KIF27: variants seen among roughly 807,000 people sequenced by gnomAD.
KIF27 encodes the protein kinesin family member 27.
In KIF27, 84 loss-of-function variants were observed where a neutral mutation model predicts 141.8. The observed-to-expected ratio is 0.59, with a 90% CI of 0.50 to 0.71. The LOEUF (loss-of-function observed/expected upper bound fraction) is 0.71, where lower values mean the gene tolerates loss of function less well. KIF27 is among the 30% of genes least tolerant of loss of function. The pLI is 0.00. For synonymous variants in KIF27, 471 were observed against 569.5 expected, an observed-to-expected ratio of 0.83 and a Z score of 2.46; for missense variants, 1,306 against 1,628.4, an observed-to-expected ratio of 0.80 and a Z score of 3.41.
intron 16 of KIF27, among the ~76,000 whole-genome samples, chr9:83,849,211 T>G (rs1262375897): frequency 6.6e-6 from 1 of 152,312 alleles, no homozygotes; most frequent in Non-Finnish European, 1.5e-5. Context: ...AGAACTAAAC[T>G]AAGGTAAGGA....
intron 3 of KIF27, among the ~76,000 whole-genome samples, chr9:83,906,860 A>G (rs1363219080): frequency 1.3e-5 from 2 of 152,104 alleles, no homozygotes; most frequent in East Asian, 3.8e-4. Context: ...ACACATTCAT[A>G]AGACAAATTA....
rs552933383 is a variant in KIF27 at position 83,908,627 on chromosome 9, A to T, written c.324T>A (p.Gly108=). 1.4e-4 allele frequency: 224 copies of T among 1,610,400 alleles called. 3 individuals are homozygous for T. In the South Asian group the frequency reaches 2.3e-3, roughly 16 times the overall value. Residue 108 remains glycine (G), a synonymous_variant, in exon 3 of 18, where the codon GGT becomes GGA. Coordinates refer to ENST00000297814, the MANE Select transcript of KIF27 (RefSeq NM_017576.4). ...HIASVVEGQK[G]IIPRAIQEIF... is the part of the protein sequence containing the mutation. ...TTTCTTGAATAGCTCGAGGAATGATACCCTTTTGGCCCTCCACAACTGAAG... is the reference window on the plus strand; with the variant it reads ...TTTCTTGAATAGCTCGAGGAATGATTCCCTTTTGGCCCTCCACAACTGAAG...
At chr9:83,897,544 G>C (rs1181267335) in intron 5 of KIF27, among the ~76,000 whole-genome samples, 3 of 152,072 alleles carry the variant, frequency 2.0e-5, no homozygotes, top group Admixed American at 1.3e-4. Flanking sequence ...ATCCTCAGAG[G>C]AAACAACTGG....
At chr9:83,863,814 T>C (rs1397626889) in intron 13 of KIF27, 1 of 152,232 alleles carries the variant, frequency 6.6e-6, no homozygotes, top group Non-Finnish European at 1.5e-5. Context: ...CCTGGACTTT[T>C]TTCGGTTGGT....
chr9:83,878,368 C>A (rs1295280527), intron 11 of KIF27, among the ~76,000 whole-genome samples: 2 of 151,704 alleles, frequency 1.3e-5, no homozygotes, highest in Non-Finnish European at 2.9e-5. Context: ...ACAGATTTAC[C>A]ATATAACCCA....
At chr9:83,848,563 T>C (rs2131643991) in intron 16 of KIF27, 1 of 146,382 alleles carries the variant, frequency 6.8e-6, no homozygotes, top group Non-Finnish European at 1.5e-5. Context: ...TATATCTATA[T>C]ATAGATCTAT....
intron 11 of KIF27, among the ~76,000 whole-genome samples, chr9:83,878,302 G>A (rs1394746434): frequency 6.6e-6 from 1 of 151,792 alleles, no homozygotes; most frequent in Non-Finnish European, 1.5e-5. Context: ...ATTGCTGGTG[G>A]AAATGTAAAA....
At chr9:83,904,375 CTT>C (rs5898838) in intron 3 of KIF27, among the ~76,000 whole-genome samples, 1 of 149,946 alleles carries the variant, frequency 6.7e-6, no homozygotes, top group African/African-American at 2.4e-5. Flanking sequence ...TAGATTAATC[CTT>C]TTTTTTTTCT....
Position 83,837,225 on chromosome 9 carries a change from T to G in KIF27, c.3982A>C (p.Asn1328His), listed in dbSNP as rs1945968904. 1.2e-6 allele frequency: 2 copies of G among 1,613,956 alleles called. No individual in the cohort carries two copies. Among genetic ancestry groups the G allele is most frequent in the Middle Eastern group, 1.6e-4 (1 of 6,084 alleles). The change falls in exon 18 of 18, where the codon AAT (asparagine) becomes CAT (histidine). Residue 1328 changes from asparagine (N) to histidine (H), a missense_variant. This residue lies in a region of KIF27 where 148 missense variants were observed against 250.9 expected (regional missense o/e 0.59). Transcript: ENST00000297814. ...CGACTGTGAGATTTTGTAAACTGATTATCATCTGTTTCTGTTTTATTCTCA... is the reference window on the plus strand; with the variant it reads ...CGACTGTGAGATTTTGTAAACTGATGATCATCTGTTTCTGTTTTATTCTCA... ...GNENKTETDD[N>H]QFTKSHSRLS...
intron 15 of KIF27, among the ~76,000 whole-genome samples, chr9:83,850,837 T>TC (rs1948488194): frequency 9.1e-6 from 1 of 110,270 alleles, no homozygotes; most frequent in African/African-American, 3.8e-5. Flanking sequence ...TTTCTTTTTT[T>TC]TTTTTTTTTT....
chr9:83,895,385 T>C (rs1233536184), intron 5 of KIF27, among the ~76,000 whole-genome samples: 1 of 152,004 alleles, frequency 6.6e-6, no homozygotes, highest in Non-Finnish European at 1.5e-5. Flanking sequence ...ATAATAAAAA[T>C]TCTCAGTTAT....
chr9:83,875,219 A>G (rs1236198078), intron 11 of KIF27, among the ~76,000 whole-genome samples: 1 of 152,192 alleles, frequency 6.6e-6, no homozygotes, highest in Non-Finnish European at 1.5e-5. Flanking sequence ...TGAAAATTGG[A>G]CAGATTCATG....
rs762965294 is a variant in KIF27 at position 83,889,128 on chromosome 9, G to A, written c.1935C>T (p.Asn645=). Residue 645 remains asparagine, a synonymous_variant, in exon 7 of 18, where the codon AAC becomes AAT. Coordinates refer to ENST00000297814, the MANE Select transcript of KIF27 (RefSeq NM_017576.4). ...GGCCTTCTGATTCTTCATCATCACT[G>A]TTATCAGAAAATTGGCAGTGGAGGA... The part of the protein sequence containing the change: ...DKVLHCQFSD[N]SDDEESEGQE... The A allele has an allele frequency of 6.2e-7, 1 of 1,613,668 alleles. No homozygotes were observed. Among genetic ancestry groups the A allele is most frequent in the South Asian group, 1.1e-5 (1 of 91,032 alleles).
chr9:83,867,886 A>G, intron 12 of KIF27, 26 bp from the exon 13 acceptor site: 5 of 1,554,490 alleles, frequency 3.2e-6, no homozygotes, highest in Non-Finnish European at 4.3e-6. Context: ...AAAAAAAGTT[A>G]CTTGTTTTTC....
chr9:83,877,369 C>T (rs932024206), intron 11 of KIF27, among the ~76,000 whole-genome samples: 1 of 152,134 alleles, frequency 6.6e-6, no homozygotes, highest in Non-Finnish European at 1.5e-5. Context: ...TTTCCCACTC[C>T]AGCTGATTTT....
intron 16 of KIF27, among the ~76,000 whole-genome samples, chr9:83,846,848 G>A (rs1037669981): frequency 2.6e-5 from 4 of 152,166 alleles, no homozygotes; most frequent in Non-Finnish European, 5.9e-5. Context: ...TTGCCACCTG[G>A]ACACTTTGGG....
intron 13 of KIF27, among the ~76,000 whole-genome samples, chr9:83,861,138 CT>C (rs1042267116): frequency 6.6e-6 from 1 of 151,528 alleles, no homozygotes; most frequent in Non-Finnish European, 1.5e-5. Flanking sequence ...ACAGTGATAT[CT>C]TTTGGGTACT....
Position 83,908,658 on chromosome 9 carries a change from A to G in KIF27, c.299-6T>C. On this transcript the variant is annotated splice_region_variant and splice_polypyrimidine_tract_variant and intron_variant, in intron 2 of 17. Coordinates refer to ENST00000297814, the MANE Select transcript of KIF27 (RefSeq NM_017576.4). ...TTGGCCCTCCACAACTGAAGCTGAA[A>G]ATTTAGAAAAAGAAAGCACATCTGG... The G allele has an allele frequency of 6.4e-7, 1 of 1,565,958 alleles. No individual in the cohort carries two copies. The highest frequency in any genetic ancestry group is 8.6e-7 in the Non-Finnish European group (1 of 1,157,276).
At chr9:83,838,951 G>A (rs1176560901) in intron 17 of KIF27, 1 of 152,204 alleles carries the variant, frequency 6.6e-6, no homozygotes, top group East Asian at 1.9e-4. Context: ...ACCACAGACA[G>A]TGGCTCCCAA....
Sources: gnomAD v4.1 joint callset for allele counts (sites outside exome capture counted in the v4.1 genomes callset) on GRCh38, gnomAD v4.1.1 for gene constraint, gnomAD v4.1.1 regional missense constraint, MANE v1.5 for transcripts, NCBI Gene and HGNC (gene_info 2026-07-23, HGNC 2026-07-21) for gene names.